Variants in FLI1 observed in about 807,000 individuals in gnomAD.
FLI1 encodes Fli-1 proto-oncogene, ETS transcription factor, also known as Friend leukemia integration 1 transcription factor.
Under a neutral mutation model 53.1 loss-of-function variants are expected in FLI1, and 13 were observed. The ratio of observed to expected loss-of-function variants is 0.24; its 90% CI spans 0.16 to 0.39. FLI1 has a LOEUF of 0.39. Ranked by LOEUF, FLI1 falls within the 10% of genes least tolerant of loss-of-function variation. FLI1 has a pLI of 1.00. For missense variants in FLI1, 424 were observed against 600.5 expected (o/e 0.71, Z 3.07); for synonymous variants, 244 against 236.7 (o/e 1.03, Z -0.28).
At chr11:128,770,932 AGAGCAGTGTAACTCACAGGT>A (rs1157663533) in intron 3 of FLI1, among the ~76,000 whole-genome samples, 2 of 152,232 alleles carry the variant, frequency 1.3e-5, no homozygotes, top group Non-Finnish European at 2.9e-5. Flanking sequence ...TTCTGGCTTC[AGAGCAGTGTAACTCACAGGT>A]GAGGTAAAGC....
At chr11:128,713,194 A>G (rs1938861614) in intron 1 of FLI1, among the ~76,000 whole-genome samples, 1 of 152,214 alleles carries the variant, frequency 6.6e-6, no homozygotes, top group Non-Finnish European at 1.5e-5. Flanking sequence ...GTGATGAAGC[A>G]CTGTAGTCCT....
intron 1 of FLI1, among the ~76,000 whole-genome samples, chr11:128,756,403 T>C (rs956844940): frequency 1.2e-4 from 18 of 152,178 alleles, no homozygotes; most frequent in African/African-American, 4.3e-4. Context: ...ACCAGTCATA[T>C]TGGATTAGAA....
intron 2 of FLI1, among the ~76,000 whole-genome samples, chr11:128,765,645 C>T (rs770418744): frequency 9.2e-5 from 14 of 152,114 alleles, no homozygotes; most frequent in Non-Finnish European, 1.9e-4. Flanking sequence ...CCACAGAGGC[C>T]GCCTGCCAAT....
At chr11:128,733,775 G>T (rs1939795052) in intron 1 of FLI1, among the ~76,000 whole-genome samples, 2 of 152,218 alleles carry the variant, frequency 1.3e-5, no homozygotes, top group African/African-American at 4.8e-5. Context: ...AATTAGCCAA[G>T]GGTCACTTTG....
At chr11:128,691,242 G>A (rs959928731), upstream of FLI1, among the ~76,000 whole-genome samples, 5 of 152,184 alleles carry the variant, frequency 3.3e-5, no homozygotes, top group African/African-American at 4.8e-5. Flanking sequence ...ATTAAACAGG[G>A]TAGACTTGTT....
chr11:128,809,181 C>A lies in FLI1; in HGVS notation c.806C>A (p.Thr269Asn). The change falls in exon 8 of 9, where the codon ACC (threonine) becomes AAC (asparagine). Residue 269 changes from threonine (T) to asparagine (N), a missense_variant. By Grantham distance (65) the Thr-to-Asn change is moderately conservative. Coordinates refer to ENST00000527786, the MANE Select transcript of FLI1 (RefSeq NM_002017.5). ...QPDPYQILGP[T>N]SSRLANPGSG... ...GATCCGTATCAGATCCTGGGCCCGA[C>A]CAGCAGTCGCCTAGCCAACCCTGGT... The A allele has an allele frequency of 1.2e-6, 2 of 1,613,966 alleles. No homozygotes were observed. The highest frequency in any genetic ancestry group is 1.1e-5 in the South Asian group (1 of 91,088).
chr11:128,789,400 C>T (rs1333964179), intron 5 of FLI1, among the ~76,000 whole-genome samples: 4 of 152,014 alleles, frequency 2.6e-5, no homozygotes, highest in African/African-American at 4.8e-5. Flanking sequence ...ATCATTTGGC[C>T]GGGGAGGGCG....
In FLI1 at chr11:128,758,200, C is replaced by A. The variant is rs370622805; in HGVS notation, c.104C>A (p.Thr35Asn). Residue 35 changes from threonine to asparagine, a missense_variant, in exon 2 of 9, where the codon ACT becomes AAT. Thr to Asn is a moderately conservative substitution (Grantham distance 65). Coordinates refer to ENST00000527786, the MANE Select transcript of FLI1 (RefSeq NM_002017.5). ...AAAHLPKADM[T>N]ASGSPDYGQP... ...GCCCATCTCCCCAAGGCCGACATGA[C>A]TGCCTCGGGGAGTCCTGACTACGGG... The A allele has an allele frequency of 3.7e-6, 6 of 1,613,500 alleles. No individual in the cohort carries two copies. Among genetic ancestry groups the A allele is most frequent in the Non-Finnish European group, 5.1e-6 (6 of 1,179,708 alleles).
At chr11:128,761,060 C>T (rs1941099217) in intron 2 of FLI1, among the ~76,000 whole-genome samples, 1 of 152,198 alleles carries the variant, frequency 6.6e-6, no homozygotes, top group South Asian at 2.1e-4. Context: ...TGACAAAATG[C>T]AAAGCCCTTA....
intron 1 of FLI1, among the ~76,000 whole-genome samples, chr11:128,722,439 G>T (rs1400167967): frequency 6.6e-6 from 1 of 152,208 alleles, no homozygotes; most frequent in East Asian, 1.9e-4. Flanking sequence ...TTAGCCAGAG[G>T]TGGCCCTCAC....
At chr11:128,693,913 G>A (rs1937881013), upstream of FLI1, 1 of 274,154 alleles carries the variant, frequency 3.6e-6, no homozygotes, top group Admixed American at 5.4e-5. Context: ...GAGAGCAGAG[G>A]GGAGAGAAGA....
intron 1 of FLI1, among the ~76,000 whole-genome samples, chr11:128,731,339 G>A (rs1282469584): frequency 1.3e-5 from 2 of 152,224 alleles, no homozygotes; most frequent in Non-Finnish European, 2.9e-5. Context: ...TCTTCTCTGA[G>A]CACAGGTTGC....
chr11:128,795,715 T>C (rs1942420285), intron 5 of FLI1, among the ~76,000 whole-genome samples: 1 of 152,034 alleles, frequency 6.6e-6, no homozygotes, highest in Admixed American at 6.5e-5. Flanking sequence ...CACGCCCAAC[T>C]AATTTTTTGT....
chr11:128,795,895 T>A (rs1942428086), intron 5 of FLI1, among the ~76,000 whole-genome samples: 1 of 152,212 alleles, frequency 6.6e-6, no homozygotes, highest in African/African-American at 2.4e-5. Flanking sequence ...TCTCAAAAGA[T>A]CCCTGTGAGG....
At chr11:128,742,086 G>T (rs1462648410) in intron 1 of FLI1, among the ~76,000 whole-genome samples, 2 of 152,146 alleles carry the variant, frequency 1.3e-5, no homozygotes, top group East Asian at 3.8e-4. Context: ...CCATCTGTGT[G>T]CACAGCCTGT....
intron 1 of FLI1, 97 bp from the exon 2 acceptor site, chr11:128,758,018 G>A: frequency 1.9e-6 from 2 of 1,060,318 alleles, no homozygotes; most frequent in Non-Finnish European, 2.8e-6. Flanking sequence ...AGCTGTCCTG[G>A]GGCAGCCCTG....
intron 1 of FLI1, among the ~76,000 whole-genome samples, chr11:128,750,837 C>T (rs936906513): frequency 2.6e-5 from 4 of 152,190 alleles, no homozygotes; most frequent in African/African-American, 9.7e-5. Context: ...GTGACAAATT[C>T]CAAAATAAGT....
chr11:128,725,494 T>A (rs892353400), intron 1 of FLI1, among the ~76,000 whole-genome samples: 1 of 152,216 alleles, frequency 6.6e-6, no homozygotes, highest in African/African-American at 2.4e-5. Context: ...ACTACCCCAA[T>A]GCTCAAGTGC....
chr11:128,713,616 C>CAA (rs199923929), intron 1 of FLI1, among the ~76,000 whole-genome samples: 37 of 113,842 alleles, frequency 3.3e-4, no homozygotes, highest in East Asian at 1.2e-3. Flanking sequence ...ATAGTCAAGG[C>CAA]AAAAAAAAAA....
Sources: allele counts gnomAD v4.1 joint callset (sites outside exome capture counted in the v4.1 genomes callset), GRCh38; gene constraint gnomAD v4.1.1; transcripts MANE v1.5; gene names NCBI Gene and HGNC (gene_info 2026-07-23, HGNC 2026-07-21).